The following LDB2 variants were observed in gnomAD, a reference collection of about 807,000 sequenced individuals.
LDB2 encodes the protein LIM domain-binding protein 2.
LDB2 carries 12 observed loss-of-function variants against 44.3 expected under a neutral mutation model. The ratio of observed to expected loss-of-function variants is 0.27; its 90% CI spans 0.17 to 0.44. The LOEUF is 0.44. LDB2 is among the 20% of genes least tolerant of loss of function. The pLI, the probability that LDB2 is intolerant of heterozygous loss-of-function variation, is 1.00. For synonymous variants in LDB2, 164 were observed against 174.8 expected (o/e 0.94, Z 0.49); for missense variants, 344 against 473.5 (o/e 0.73, Z 2.54).
chr4:16,896,934 T>C (rs764379909), intron 1 of LDB2, among the ~76,000 whole-genome samples: 3 of 152,226 alleles, frequency 2.0e-5, no homozygotes, highest in Non-Finnish European at 4.4e-5. Flanking sequence ...AAACATAGTT[T>C]GCACTTCTAT....
chr4:16,782,641 C>T (rs663248), intron 1 of LDB2, among the ~76,000 whole-genome samples: 113,387 of 151,764 alleles, frequency 0.75, 45,596 homozygotes, highest in South Asian at 0.92. Context: ...TGAGCCACCA[C>T]GCCCAGCAAA....
intron 1 of LDB2, among the ~76,000 whole-genome samples, chr4:16,895,132 A>AAAG (rs1724582046): frequency 6.6e-6 from 1 of 151,712 alleles, no homozygotes; most frequent in African/African-American, 2.4e-5. Context: ...AAAAAAAAAA[A>AAAG]AAAAAGAAAA....
chr4:16,655,512 A>C (rs1739530158), intron 2 of LDB2, among the ~76,000 whole-genome samples: 1 of 152,184 alleles, frequency 6.6e-6, no homozygotes, highest in Admixed American at 6.5e-5. Context: ...AATAACCCAC[A>C]ATCGTCCGTT....
chr4:16,657,021 T>A (rs1740062676), intron 2 of LDB2, among the ~76,000 whole-genome samples: 1 of 152,134 alleles, frequency 6.6e-6, no homozygotes, highest in African/African-American at 2.4e-5. Flanking sequence ...GGAAGGAATA[T>A]CACAAAACTC....
chr4:16,770,903 G>A (rs896705185), intron 1 of LDB2, among the ~76,000 whole-genome samples: 9 of 152,086 alleles, frequency 5.9e-5, no homozygotes, highest in African/African-American at 2.2e-4. Context: ...TGAGCACCGC[G>A]CATCGTATTA....
At chr4:16,731,330 C>G (rs897316947) in intron 2 of LDB2, among the ~76,000 whole-genome samples, 1 of 152,150 alleles carries the variant, frequency 6.6e-6, no homozygotes, top group Non-Finnish European at 1.5e-5. Flanking sequence ...TTGCTATGAA[C>G]TGAATTGTGT....
chr4:16,564,215 G>A (rs1465917073), intron 5 of LDB2, among the ~76,000 whole-genome samples: 1 of 152,110 alleles, frequency 6.6e-6, no homozygotes, highest in Admixed American at 6.5e-5. Context: ...AACAGGCTGG[G>A]CGCTGTGGCT....
At chr4:16,889,006 A>G (rs1722548580) in intron 1 of LDB2, among the ~76,000 whole-genome samples, 1 of 152,094 alleles carries the variant, frequency 6.6e-6, no homozygotes, top group African/African-American at 2.4e-5. Flanking sequence ...AAAAATGTTC[A>G]TATTCCCTAA....
At chr4:16,869,062 G>A (rs1715655088) in intron 1 of LDB2, among the ~76,000 whole-genome samples, 1 of 152,128 alleles carries the variant, frequency 6.6e-6, no homozygotes, top group Non-Finnish European at 1.5e-5. Flanking sequence ...CAGACACCAT[G>A]CTAAGTGCCT....
chr4:16,887,456 TGTTTAA>T (rs1044410933), intron 1 of LDB2, among the ~76,000 whole-genome samples: 3 of 152,212 alleles, frequency 2.0e-5, no homozygotes, highest in African/African-American at 7.2e-5. Context: ...ATGCACTGAC[TGTTTAA>T]GTTTAATTTC....
chr4:16,580,506 T>G (rs1466838684), intron 5 of LDB2, among the ~76,000 whole-genome samples: 1 of 152,150 alleles, frequency 6.6e-6, no homozygotes, highest in Admixed American at 6.6e-5. Context: ...TTAAATTCCT[T>G]TAAAAAAGAG....
chr4:16,646,965 C>T, intron 2 of LDB2, among the ~76,000 whole-genome samples: 1 of 152,194 alleles, frequency 6.6e-6, no homozygotes, highest in Non-Finnish European at 1.5e-5. Context: ...AATACCACTA[C>T]ACAAGAGAAA....
chr4:16,684,344 A>T (rs1381966902), intron 2 of LDB2, among the ~76,000 whole-genome samples: 2 of 152,196 alleles, frequency 1.3e-5, no homozygotes, highest in African/African-American at 2.4e-5. Flanking sequence ...AATGTGTGCA[A>T]GCAGAAATAC....
At chr4:16,562,145 G>T (rs1298367514) in intron 5 of LDB2, among the ~76,000 whole-genome samples, 1 of 152,146 alleles carries the variant, frequency 6.6e-6, no homozygotes, top group Non-Finnish European at 1.5e-5. Flanking sequence ...TTACCATTCA[G>T]GACATAGGCA....
rs1177919585 is a variant in LDB2, at chr4:16,502,778, A to G, written c.987T>C (p.Asp329=). 1 of 1,613,878 alleles carries G rather than the reference A, an allele frequency of 6.2e-7. No homozygotes were observed. Among genetic ancestry groups the G allele is most frequent in the Non-Finnish European group, 8.5e-7 (1 of 1,179,992 alleles). ...CCTCGTCGTCCATGCCGTTGGCCGCATCATATTGCGTGTTTTCTAATCTAG... is the reference window on the plus strand; with the variant it reads ...CCTCGTCGTCCATGCCGTTGGCCGCGTCATATTGCGTGTTTTCTAATCTAG... ...LITRLENTQY[D]AANGMDDEED... Residue 329 remains aspartate, a synonymous_variant, in exon 8 of 8, where the codon GAT becomes GAC. Transcript: ENST00000304523.
chr4:16,637,041 C>T (rs191285444), intron 2 of LDB2, among the ~76,000 whole-genome samples: 8 of 152,220 alleles, frequency 5.3e-5, no homozygotes, highest in East Asian at 3.9e-4. Context: ...AATTTAGGTG[C>T]GGAAATTCCT....
intron 2 of LDB2, among the ~76,000 whole-genome samples, chr4:16,657,367 C>A (rs1390220560): frequency 6.6e-6 from 1 of 152,182 alleles, no homozygotes. Flanking sequence ...CATTACCTAT[C>A]ACCTCTCATT....
intron 1 of LDB2, among the ~76,000 whole-genome samples, chr4:16,766,867 G>A (rs935857441): frequency 6.6e-6 from 1 of 152,050 alleles, no homozygotes; most frequent in African/African-American, 2.4e-5. Flanking sequence ...GAATAGATAT[G>A]CGGTAATACA....
At chr4:16,864,813 T>C (rs1714095300) in intron 1 of LDB2, among the ~76,000 whole-genome samples, 1 of 151,874 alleles carries the variant, frequency 6.6e-6, no homozygotes, top group Admixed American at 6.6e-5. Flanking sequence ...TAATCCCAGC[T>C]ACTTGGGAGG....
Sources: allele counts gnomAD v4.1 joint callset (sites outside exome capture counted in the v4.1 genomes callset), GRCh38; gene constraint gnomAD v4.1.1; transcripts MANE v1.5; gene names NCBI Gene and HGNC (gene_info 2026-07-23, HGNC 2026-07-21).